Variants in WNT3 observed in about 807,000 individuals in gnomAD.
WNT3 encodes the protein Wnt family member 3, also known as proto-oncogene Wnt-3.
WNT3 carries 7 observed loss-of-function variants against 34.2 expected under a neutral mutation model. That is an observed-to-expected ratio of 0.20 (90% confidence interval 0.12 to 0.38). The LOEUF (loss-of-function observed/expected upper bound fraction) is 0.38. WNT3 is among the 10% of genes least tolerant of loss of function. The pLI is 1.00. For synonymous variants in WNT3, 212 were observed against 211.5 expected (o/e 1.00, Z -0.02); for missense variants, 267 against 499.8 (o/e 0.53, Z 4.44).
At chr17:46,795,441 G>A (rs1240803892) in intron 1 of WNT3, among the ~76,000 whole-genome samples, 4 of 152,192 alleles carry the variant, frequency 2.6e-5, no homozygotes, top group East Asian at 1.9e-4. Context: ...AAGACCAGCC[G>A]GCCCGTGGGC....
At chr17:46,797,249 A>G (rs1233829963) in intron 1 of WNT3, among the ~76,000 whole-genome samples, 2 of 152,204 alleles carry the variant, frequency 1.3e-5, no homozygotes, top group Non-Finnish European at 2.9e-5. Flanking sequence ...TAAGAAACAC[A>G]CTATGCGATG....
At chr17:46,797,894 CA>C (rs1335109523) in intron 1 of WNT3, among the ~76,000 whole-genome samples, 7 of 152,106 alleles carry the variant, frequency 4.6e-5, no homozygotes, top group Non-Finnish European at 8.8e-5. Flanking sequence ...CAAAATAAAA[CA>C]TTTCATTTAG....
intron 1 of WNT3, among the ~76,000 whole-genome samples, chr17:46,779,053 T>TCACTCACACACACACACACA (rs1555683627): frequency 9.9e-6 from 1 of 100,612 alleles, no homozygotes; most frequent in Non-Finnish European, 1.9e-5. Flanking sequence ...CCCTACCCCA[T>TCACTCACACACACACACACA]CACACACACA....
At chr17:46,807,320 T>G (rs956433119) in intron 1 of WNT3, among the ~76,000 whole-genome samples, 2 of 152,178 alleles carry the variant, frequency 1.3e-5, no homozygotes, top group Admixed American at 6.5e-5. Context: ...CTATCTCTAC[T>G]GAAAATACAA....
intron 1 of WNT3, among the ~76,000 whole-genome samples, chr17:46,775,644 C>G (rs1400012723): frequency 7.2e-6 from 1 of 139,594 alleles, no homozygotes; most frequent in Non-Finnish European, 1.5e-5. Flanking sequence ...GACAGAGTCT[C>G]GCTGTGTCAC....
chr17:46,777,499 G>A (rs2059422052), intron 1 of WNT3, among the ~76,000 whole-genome samples: 1 of 152,264 alleles, frequency 6.6e-6, no homozygotes, highest in African/African-American at 2.4e-5. Context: ...AGGTCGGAGT[G>A]CTTCCCAGAC....
chr17:46,778,402 C>T (rs1395632753), intron 1 of WNT3, among the ~76,000 whole-genome samples: 2 of 152,140 alleles, frequency 1.3e-5, no homozygotes, highest in Non-Finnish European at 2.9e-5. Context: ...GGTCATCCTG[C>T]GAGTAATTAG....
chr17:46,779,103 A>ACCCCCCCCC (rs3219936), intron 1 of WNT3, among the ~76,000 whole-genome samples: 1 of 133,590 alleles, frequency 7.5e-6, no homozygotes, highest in Admixed American at 7.8e-5. Context: ...ACACACACAC[A>ACCCCCCCCC]CCCCAGCCCA....
intron 2 of WNT3, among the ~76,000 whole-genome samples, chr17:46,771,516 G>C (rs1330712655): frequency 6.7e-6 from 1 of 149,152 alleles, no homozygotes; most frequent in Non-Finnish European, 1.5e-5. Flanking sequence ...GGCGGGGCGG[G>C]GATTAGCCTG....
chr17:46,783,186 C>T (rs1434795949), intron 1 of WNT3, among the ~76,000 whole-genome samples: 2 of 152,176 alleles, frequency 1.3e-5, no homozygotes, highest in South Asian at 2.1e-4. Flanking sequence ...AGAGTGGGTG[C>T]AGGCCCTGAG....
intron 1 of WNT3, among the ~76,000 whole-genome samples, chr17:46,805,520 C>T (rs934935482): frequency 1.3e-5 from 2 of 152,096 alleles, no homozygotes; most frequent in African/African-American, 2.4e-5. Flanking sequence ...TTGCAGTGAG[C>T]CAAGATCTTG....
At position 46,773,925 on chromosome 17, in the gene WNT3, G is replaced by T. The variant is rs373738685; in HGVS notation, c.81-16C>A. On this transcript the variant is annotated splice_polypyrimidine_tract_variant and intron_variant, in intron 1 of 4. Transcript: ENST00000225512. The stretch of plus-strand genomic sequence containing the variant: ...GGCCAGGGACCTGCAGGCAGACAGA[G>T]GGTAGTAACACTGTGGGCACAAAGC... The T allele has an allele frequency of 8.2e-5, 132 of 1,609,650 alleles. 1 individual carries two copies. The African/African-American group carries it at 1.6e-3, about 20-fold the overall frequency.
chr17:46,777,084 C>G (rs991527537), intron 1 of WNT3, among the ~76,000 whole-genome samples: 2 of 152,238 alleles, frequency 1.3e-5, no homozygotes, highest in Non-Finnish European at 2.9e-5. Flanking sequence ...GTGGCTCACG[C>G]CTGTAATCCC....
intron 1 of WNT3, among the ~76,000 whole-genome samples, chr17:46,779,004 G>C (rs1169651766): frequency 6.6e-6 from 1 of 150,614 alleles, no homozygotes; most frequent in Admixed American, 6.7e-5. Context: ...TCTCCAAGAA[G>C]AGAGGTAGTG....
At chr17:46,774,441 A>G (rs1380117963) in intron 1 of WNT3, among the ~76,000 whole-genome samples, 1 of 152,164 alleles carries the variant, frequency 6.6e-6, no homozygotes, top group Non-Finnish European at 1.5e-5. Context: ...GCCTCCCAGT[A>G]TCTCCCCAAG....
Position 46,818,544 on chromosome 17 carries a change from C to A in WNT3, c.54G>T (p.Arg18Ser). Residue 18 changes from arginine (R) to serine (S), a missense_variant, in exon 1 of 5, where the codon AGG becomes AGT. Arg to Ser is a moderately radical substitution (Grantham distance 110, BLOSUM62 -1). This residue lies in a region of WNT3 where 26 missense variants were observed against 25.8 expected (regional missense o/e 1.01). Transcript: ENST00000225512. ...LLLGLLLGGTRVLAGYPIWWS... is the reference protein window; with the variant it reads ...LLLGLLLGGTSVLAGYPIWWS... ...ACCAAATTGGGTAGCCAGCGAGGAC[C>A]CTGGTGCCACCGAGCAGGAGGCCGA... 6.2e-7 allele frequency: 1 copy of A among 1,608,740 alleles called. No individual in the cohort carries two copies. The highest frequency in any genetic ancestry group is 8.5e-7 in the Non-Finnish European group (1 of 1,178,446).
chr17:46,804,113 A>C (rs2084161503), intron 1 of WNT3, among the ~76,000 whole-genome samples: 1 of 151,774 alleles, frequency 6.6e-6, no homozygotes, highest in African/African-American at 2.4e-5. Context: ...TTTGAGACAG[A>C]GTCTCACTCT....
chr17:46,776,020 C>T lies in WNT3; in HGVS notation c.81-2111G>A, dbSNP rs370123647. 3.2e-4 allele frequency among the ~76,000 whole-genome samples: 49 copies of T among 152,268 alleles called. 1 individual carries two copies. Among genetic ancestry groups the T allele is most frequent in the South Asian group, 2.9e-3 (14 of 4,822 alleles). ...TTGCCTCATTTAATCCTCAAAATAG[C>T]CCCAGCACAAAGTAGGGTCATTATT... On this transcript the variant is annotated intron_variant, in intron 1 of 4. Coordinates refer to ENST00000225512, the MANE Select transcript of WNT3 (RefSeq NM_030753.5).
chr17:46,797,359 G>T (rs1210173205), intron 1 of WNT3, among the ~76,000 whole-genome samples: 1 of 152,216 alleles, frequency 6.6e-6, no homozygotes, highest in African/African-American at 2.4e-5. Flanking sequence ...GGCAGCTCCA[G>T]GCTGGGTTTT....
Sources: gnomAD v4.1 joint callset for allele counts (sites outside exome capture counted in the v4.1 genomes callset) on GRCh38, gnomAD v4.1.1 for gene constraint, gnomAD v4.1.1 regional missense constraint, MANE v1.5 for transcripts, NCBI Gene and HGNC (gene_info 2026-07-23, HGNC 2026-07-21) for gene names.